Variants in PCNX2 observed in about 807,000 individuals in gnomAD.
PCNX2 encodes pecanex 2.
PCNX2 carries 168 observed loss-of-function variants against 223.8 expected under a neutral mutation model. The observed-to-expected ratio is 0.75, with a 90% CI of 0.66 to 0.85. PCNX2 has a LOEUF of 0.85. PCNX2 is among the 40% of genes least tolerant of loss of function. The probability of loss-of-function intolerance (pLI) is 0.00; values close to 1 mark genes in which losing one functional copy is unlikely to be tolerated. For synonymous variants in PCNX2, 1,006 were observed against 1,052.6 expected, an observed-to-expected ratio of 0.96 and a Z score of 0.86; for missense variants, 2,507 against 2,675.5, an observed-to-expected ratio of 0.94 and a Z score of 1.39.
intron 27 of PCNX2, among the ~76,000 whole-genome samples, chr1:233,015,128 G>C (rs1670605345): frequency 6.6e-6 from 1 of 152,206 alleles, no homozygotes; most frequent in Non-Finnish European, 1.5e-5. Context: ...ATGCAAAGGA[G>C]AGGCATGGTC....
intron 1 of PCNX2, among the ~76,000 whole-genome samples, chr1:233,273,584 C>T (rs1311699041): frequency 1.3e-5 from 2 of 151,990 alleles, no homozygotes; most frequent in Non-Finnish European, 2.9e-5. Flanking sequence ...TAGGTTTCTG[C>T]TCCATCCCAT....
rs1662046683 is a variant in PCNX2 at position 233,295,620 on chromosome 1, T to C, written c.-142A>G. 1.1e-6 allele frequency: 1 copy of C among 912,400 alleles called. No individual in the cohort carries two copies. Among genetic ancestry groups the C allele is most frequent in the African/African-American group, 1.8e-5 (1 of 57,006 alleles). 56.5% of individuals were successfully genotyped at this position (912,400 alleles called of 1,614,324 possible). A position where few individuals can be genotyped will look rare whatever the true frequency, so the allele number is the denominator to read the frequency against. ...GCCGCCGTCGCCCCCGCCGCCTCCT[T>C]CCACCCCACGTTTGAAGCTGGAGCT... is the stretch of plus-strand genomic sequence containing the variant. On this transcript the variant is annotated 5_prime_UTR_variant, in exon 1 of 34. Coordinates refer to ENST00000258229, the MANE Select transcript of PCNX2 (RefSeq NM_014801.4). This position sits in a 1 kb window ranked among gnomAD's most constrained non-coding sequence, Gnocchi z 4.1.
chr1:233,087,650 A>C (rs1231696986), intron 23 of PCNX2, among the ~76,000 whole-genome samples: 1 of 152,128 alleles, frequency 6.6e-6, no homozygotes, highest in Admixed American at 6.5e-5. Flanking sequence ...CCACCACTCT[A>C]CTGTTGTGAT....
intron 25 of PCNX2, among the ~76,000 whole-genome samples, chr1:233,027,724 C>T (rs1671131516): frequency 6.6e-6 from 1 of 152,132 alleles, no homozygotes; most frequent in South Asian, 2.1e-4. Context: ...GTTGCAGCTG[C>T]CTCTCTTCCT....
chr1:233,169,671 G>A (rs1226203498), intron 17 of PCNX2, among the ~76,000 whole-genome samples: 3 of 150,674 alleles, frequency 2.0e-5, no homozygotes. Flanking sequence ...TGTGACACAG[G>A]TAACCATAAA....
At chr1:233,060,632 T>C (rs1319406186) in intron 23 of PCNX2, among the ~76,000 whole-genome samples, 1 of 152,214 alleles carries the variant, frequency 6.6e-6, no homozygotes, top group Non-Finnish European at 1.5e-5. Flanking sequence ...GCTCAGTAAT[T>C]GGATTTCTGC....
chr1:233,004,191 G>A (rs1383761421), intron 28 of PCNX2, among the ~76,000 whole-genome samples: 2 of 151,570 alleles, frequency 1.3e-5, no homozygotes, highest in East Asian at 3.9e-4. Flanking sequence ...GCCAACACTC[G>A]ATTATATAAA....
At chr1:233,179,021 T>C in intron 16 of PCNX2, 45 bp downstream of exon 16, 1 of 1,553,722 alleles carries the variant, frequency 6.4e-7, no homozygotes, top group Non-Finnish European at 8.8e-7. Flanking sequence ...GCAGGAACTA[T>C]GCCCCCAGCT....
intron 21 of PCNX2, among the ~76,000 whole-genome samples, chr1:233,120,873 T>A (rs540470403): frequency 2.0e-3 from 307 of 152,058 alleles, no homozygotes; most frequent in Middle Eastern, 6.8e-3. Flanking sequence ...CAATTTTTTT[T>A]AAAAAAGAAC....
chr1:233,283,435 C>T lies in PCNX2; in HGVS notation c.153+11891G>A, dbSNP rs148265121. ...TGGCTCCTTGGTGAAATGGCTGATT[C>T]TTCCAGGGCTGGGGCAGGGAAAGTA... On this transcript the variant is annotated intron_variant, in intron 1 of 33. Coordinates refer to ENST00000258229, the MANE Select transcript of PCNX2 (RefSeq NM_014801.4). Among the ~76,000 whole-genome samples, 366 of 152,288 alleles carry T rather than the reference C, an allele frequency of 2.4e-3. 1 individual carries two copies. Among genetic ancestry groups the T allele is most frequent in the South Asian group, 9.5e-3 (46 of 4,820 alleles).
At chr1:233,216,260 G>A (rs701184) in intron 12 of PCNX2, among the ~76,000 whole-genome samples, 3,643 of 152,312 alleles carry the variant, frequency 0.024, 141 homozygotes, top group African/African-American at 0.083. Context: ...CACCATGGAT[G>A]AGCAAAGGGG....
At chr1:233,167,928 T>C (rs143262605) in intron 17 of PCNX2, 20,378 of 699,872 alleles carry the variant, frequency 0.029, 359 homozygotes, top group Non-Finnish European at 0.032. Context: ...TTTATTTTGA[T>C]CTTAGTTTTG....
At chr1:233,145,875 T>A (rs1211046390) in intron 19 of PCNX2, among the ~76,000 whole-genome samples, 1 of 152,176 alleles carries the variant, frequency 6.6e-6, no homozygotes, top group African/African-American at 2.4e-5. Flanking sequence ...ACGTCCCATG[T>A]ATGGAATAAC....
chr1:233,233,120 G>A lies in PCNX2; in HGVS notation c.2358+3725C>T, dbSNP rs574510344. 3.9e-5 allele frequency among the ~76,000 whole-genome samples: 6 copies of A among 152,228 alleles called. No homozygotes were observed. The East Asian group carries it at 1.2e-3, about 29-fold the overall frequency. On this transcript the variant is annotated intron_variant, in intron 9 of 33. Transcript: ENST00000258229. The stretch of plus-strand genomic sequence containing the variant: ...CAAAATGTTTCAAGGTGATTGCCCA[G>A]GTACTGGCCCATAACATATTGGGAC...
At chr1:233,201,478 G>A (rs1405803834) in intron 13 of PCNX2, 1 of 152,088 alleles carries the variant, frequency 6.6e-6, no homozygotes, top group African/African-American at 2.4e-5. Flanking sequence ...TTTAATTACA[G>A]AACATATAGT....
chr1:233,095,122 T>C (rs1248344683), intron 22 of PCNX2, among the ~76,000 whole-genome samples: 1 of 152,152 alleles, frequency 6.6e-6, no homozygotes, highest in Non-Finnish European at 1.5e-5. Context: ...TGCACATATA[T>C]AAAACTTAGC....
chr1:233,092,948 A>G (rs1191805474), intron 22 of PCNX2, among the ~76,000 whole-genome samples: 30 of 152,162 alleles, frequency 2.0e-4, no homozygotes, highest in African/African-American at 5.1e-4. Flanking sequence ...ACAGGCGCCC[A>G]CTACCATGCC....
At position 233,295,561 on chromosome 1, in the gene PCNX2, A is replaced by T. The variant is rs1019853276; in HGVS notation, c.-83T>A. 1 of 1,267,414 alleles carries T rather than the reference A, an allele frequency of 7.9e-7. No homozygotes were observed. Among genetic ancestry groups the T allele is most frequent in the Admixed American group, 4.2e-5 (1 of 23,540 alleles). The allele number at this position is 1,267,414 out of a possible 1,614,324, so 78.5% of individuals were successfully genotyped here. A position where few individuals can be genotyped will look rare whatever the true frequency, so the allele number is the denominator to read the frequency against. On this transcript the variant is annotated 5_prime_UTR_variant, in exon 1 of 34. Transcript: ENST00000258229. This position sits in a 1 kb window ranked among gnomAD's most constrained non-coding sequence, Gnocchi z 4.1. Reference sequence around the variant, plus strand: ...ATCTCCAGGCTCCCTCAGGTCTAACACCCGGGCCCGCGGGCCGCGCCCCCG... The same window carrying T: ...ATCTCCAGGCTCCCTCAGGTCTAACTCCCGGGCCCGCGGGCCGCGCCCCCG...
At chr1:233,104,909 A>G (rs1490263230) in intron 21 of PCNX2, among the ~76,000 whole-genome samples, 1 of 152,166 alleles carries the variant, frequency 6.6e-6, no homozygotes, top group Non-Finnish European at 1.5e-5. Flanking sequence ...CAATGGAAAT[A>G]ACAGTTAAGA....
Sources: allele counts gnomAD v4.1 joint callset (sites outside exome capture counted in the v4.1 genomes callset), GRCh38; gene constraint gnomAD v4.1.1; non-coding constraint Gnocchi (gnomAD v3.1); transcripts MANE v1.5; gene names NCBI Gene and HGNC (gene_info 2026-07-23, HGNC 2026-07-21).